The following HDX variants were observed in gnomAD, a reference collection of about 807,000 sequenced individuals.
The protein encoded by HDX is highly divergent homeobox, also known as chromosome X open reading frame 43.
A neutral mutation model predicts 45.2 loss-of-function variants in HDX; 19 were observed. That is an observed-to-expected ratio of 0.42 (90% CI 0.29 to 0.62). The LOEUF is 0.62. Among genes scored for constraint, HDX ranks in the 20% least tolerant of loss-of-function variants. HDX has a pLI of 0.20. For missense variants in HDX, 532 were observed against 493.9 expected (o/e 1.08, Z -0.73); for synonymous variants, 188 against 172.8 (o/e 1.09, Z -0.69).
chrX:84,394,168 T>C (rs2147938335), intron 5 of HDX, among the ~76,000 whole-genome samples: 1 of 111,724 alleles, frequency 9.0e-6, no homozygotes, highest in South Asian at 3.7e-4. Context: ...CATTTTCCTA[T>C]ATGCCATATG....
At chrX:84,476,114 TA>T (rs1297296621) in intron 2 of HDX, among the ~76,000 whole-genome samples, 1,732 of 111,586 alleles carry the variant, frequency 0.016, 27 homozygotes, top group African/African-American at 0.053. Context: ...CAAGATAAGT[TA>T]AAAAAATGCT....
At chrX:84,406,825 C>A (rs1297680173) in intron 5 of HDX, among the ~76,000 whole-genome samples, 1 of 110,112 alleles carries the variant, frequency 9.1e-6, no homozygotes, top group Non-Finnish European at 1.9e-5. Flanking sequence ...ACATTTGTTT[C>A]ATATGAAATT....
chrX:84,444,154 A>G (rs975530419), intron 4 of HDX, among the ~76,000 whole-genome samples: 2 of 111,262 alleles, frequency 1.8e-5, no homozygotes, highest in Admixed American at 1.9e-4. Flanking sequence ...AAAAAAAAGA[A>G]TGGCATGAGC....
chrX:84,349,240 C>A (rs1163224564), intron 6 of HDX, among the ~76,000 whole-genome samples: 1 of 110,807 alleles, frequency 9.0e-6, no homozygotes, highest in Non-Finnish European at 1.9e-5. Context: ...TGTACCTTCA[C>A]TTATCTGTCA....
At chrX:84,478,764 T>G (rs1052311974) in intron 2 of HDX, among the ~76,000 whole-genome samples, 1 of 110,513 alleles carries the variant, frequency 9.0e-6, no homozygotes, top group African/African-American at 3.3e-5. Context: ...GAGTTTCAGG[T>G]GAGAGGGTCT....
At chrX:84,451,067 G>A (rs999914422) in intron 4 of HDX, among the ~76,000 whole-genome samples, 9 of 111,251 alleles carry the variant, frequency 8.1e-5, no homozygotes, top group Non-Finnish European at 1.3e-4. Flanking sequence ...AGCAATAAAC[G>A]CCTAGATGAA....
intron 5 of HDX, among the ~76,000 whole-genome samples, chrX:84,381,641 A>G (rs2038190678): frequency 8.9e-6 from 1 of 111,877 alleles, no homozygotes; most frequent in South Asian, 3.7e-4. Context: ...GGAAAACTGG[A>G]TATTCATATG....
chrX:84,406,321 G>T (rs191528165), intron 5 of HDX, among the ~76,000 whole-genome samples: 3 of 110,682 alleles, frequency 2.7e-5, no homozygotes, highest in Admixed American at 1.9e-4. Flanking sequence ...GGTAATTTTG[G>T]CTAATGTGAC....
chrX:84,469,508 C>G lies in HDX; in HGVS notation c.215G>C (p.Gly72Ala). Residue 72 changes from glycine (G) to alanine (A), a missense_variant, in exon 4 of 11, where the codon GGA (glycine) becomes GCA (alanine). By Grantham distance (60) the Gly-to-Ala change is moderately conservative. Around this residue, in one of 3 missense-constraint regions of HDX, gnomAD observed 376 missense variants for 343.7 expected, o/e 1.09. Coordinates refer to ENST00000373177, the MANE Select transcript of HDX (RefSeq NM_001177479.2). ...GATGTCTGGAGCTGACAAAGAGGTT[C>G]CTGTTGTTGCTGTTCCAGATTCAGA... ...KNSESGTATT[G>A]TSLSAPDITV... The G allele has an allele frequency of 8.3e-7, 1 of 1,206,782 alleles. No individual in the cohort carries two copies. Among genetic ancestry groups the G allele is most frequent in the Non-Finnish European group, 1.1e-6 (1 of 892,267 alleles).
chrX:84,351,968 C>G (rs2037370981), intron 6 of HDX, among the ~76,000 whole-genome samples: 1 of 111,731 alleles, frequency 9.0e-6, no homozygotes, highest in African/African-American at 3.3e-5. Flanking sequence ...TTTGCCATGT[C>G]AAGAAGGATT....
intron 6 of HDX, among the ~76,000 whole-genome samples, chrX:84,351,862 C>T (rs1355778973): frequency 1.8e-5 from 2 of 111,948 alleles, no homozygotes; most frequent in Non-Finnish European, 3.8e-5. Context: ...TCCATTTTCT[C>T]AGAAGCAACA....
At chrX:84,322,737 A>G (rs1381988470) in intron 10 of HDX, among the ~76,000 whole-genome samples, 1 of 110,969 alleles carries the variant, frequency 9.0e-6, no homozygotes, top group East Asian at 2.8e-4. Context: ...AAGTTGTAGA[A>G]CATGCACCCA....
At chrX:84,371,626 A>G (rs1001657639) in intron 5 of HDX, among the ~76,000 whole-genome samples, 8 of 111,859 alleles carry the variant, frequency 7.2e-5, no homozygotes, top group Non-Finnish European at 1.1e-4. Flanking sequence ...GCAGGGTGTC[A>G]CAGCCCCCAT....
chrX:84,450,431 A>G (rs1486111467), intron 4 of HDX, among the ~76,000 whole-genome samples: 1 of 112,024 alleles, frequency 8.9e-6, no homozygotes, highest in Non-Finnish European at 1.9e-5. Context: ...GTAAAAAACA[A>G]TAAAAAGAGA....
At chrX:84,398,273 G>A (rs2038613720) in intron 5 of HDX, among the ~76,000 whole-genome samples, 1 of 111,051 alleles carries the variant, frequency 9.0e-6, no homozygotes, top group African/African-American at 3.3e-5. Context: ...TAAAAGACAT[G>A]GAGTGGCAAA....
chrX:84,343,438 AAAAC>A (rs1425835802), intron 7 of HDX, among the ~76,000 whole-genome samples: 1 of 110,347 alleles, frequency 9.1e-6, no homozygotes, highest in Non-Finnish European at 1.9e-5. Flanking sequence ...CAACAACAAC[AAAAC>A]AAACAAGCAA....
rs755474756 is a variant in HDX at position 84,489,082 on chromosome X, G to A, written c.-109-950C>T. On this transcript the variant is annotated intron_variant, in intron 1 of 10. Transcript: ENST00000373177. ...GGAAAGGCCTGAGAGGTTTACTCAT[G>A]ACTCTATCATTTGGGCCTTACCTTG... Among the ~76,000 whole-genome samples, 5 of 111,443 alleles carry A rather than the reference G, an allele frequency of 4.5e-5. No individual in the cohort carries two copies. In the East Asian group the frequency reaches 1.4e-3, roughly 32 times the overall value.
Position 84,404,335 on chromosome X carries a change from A to G in HDX, c.1305+36197T>C, listed in dbSNP as rs6653033. 5.6e-3 allele frequency among the ~76,000 whole-genome samples: 629 copies of G among 111,490 alleles called. 6 individuals are homozygous for G. The highest frequency in any genetic ancestry group is 0.019 in the African/African-American group (588 of 30,768). The stretch of plus-strand genomic sequence containing the variant: ...ATGCATTCCCCACTGTTTTCTTAAT[A>G]TTATTAATATAGCTGTGTCACATCT... On this transcript the variant is annotated intron_variant, in intron 5 of 10. Coordinates refer to ENST00000373177, the MANE Select transcript of HDX (RefSeq NM_001177479.2).
chrX:84,400,717 G>T (rs1412099383), intron 5 of HDX, among the ~76,000 whole-genome samples: 2 of 111,129 alleles, frequency 1.8e-5, no homozygotes, highest in East Asian at 5.7e-4. Flanking sequence ...AATTCCATAT[G>T]GACCCAAAAA....
Sources: gnomAD v4.1 joint callset for allele counts (sites outside exome capture counted in the v4.1 genomes callset) on GRCh38, gnomAD v4.1.1 for gene constraint, gnomAD v4.1.1 regional missense constraint, MANE v1.5 for transcripts, NCBI Gene and HGNC (gene_info 2026-07-23, HGNC 2026-07-21) for gene names.